Variants in TMEM14A observed in about 807,000 individuals in gnomAD.
The protein encoded by TMEM14A is transmembrane protein 14A.
A neutral mutation model predicts 11.6 loss-of-function variants in TMEM14A; 8 were observed. That is an observed-to-expected ratio of 0.69 (90% CI 0.40 to 1.24). TMEM14A has a LOEUF of 1.24. Ranked by LOEUF, TMEM14A falls within the 50% of genes most tolerant of loss-of-function variation. The pLI, the probability that TMEM14A is intolerant of heterozygous loss-of-function variation, is 0.01. For missense variants in TMEM14A, 108 were observed against 121.9 expected (o/e 0.89, Z 0.54); for synonymous variants, 34 against 45.5 (o/e 0.75, Z 1.02).
intron 1 of TMEM14A, among the ~76,000 whole-genome samples, chr6:52,673,076 A>G (rs573554882): frequency 6.6e-6 from 1 of 152,148 alleles, no homozygotes; most frequent in African/African-American, 2.4e-5. Context: ...GGCCTTGCAC[A>G]TGCGCTCCCT....
At chr6:52,682,725 G>A (rs1327209440) in intron 3 of TMEM14A, among the ~76,000 whole-genome samples, 1 of 151,826 alleles carries the variant, frequency 6.6e-6, no homozygotes, top group Non-Finnish European at 1.5e-5. Context: ...TAGTTCACAA[G>A]TATTTATTGT....
intron 1 of TMEM14A, among the ~76,000 whole-genome samples, chr6:52,673,876 G>A (rs1401523962): frequency 2.0e-5 from 3 of 152,178 alleles, no homozygotes; most frequent in African/African-American, 7.2e-5. Context: ...CCCTACCTCA[G>A]TTTTCTCAGT....
chr6:52,680,589 A>ATG (rs1382495543), intron 2 of TMEM14A, among the ~76,000 whole-genome samples: 1 of 89,760 alleles, frequency 1.1e-5, no homozygotes, highest in South Asian at 4.9e-4. Context: ...ATATATTTAT[A>ATG]TATTTATATA....
intron 4 of TMEM14A, 91 bp from the exon 5 acceptor site, chr6:52,685,919 A>G: frequency 8.2e-7 from 1 of 1,225,172 alleles, no homozygotes; most frequent in East Asian, 2.5e-5. Flanking sequence ...AAGGATTAGT[A>G]ACACTACTGG....
rs371102796 is a variant in TMEM14A at position 52,680,704 on chromosome 6, T to TATATATATATATATATATATATATACAC, written c.71-1108_71-1107insTATATATATATATATATATATATACACA. ...ATATACATATATGTATATATATATA[T>TATATATATATATATATATATATATACAC]ACACATATATATATGGCATGGATGA... is the stretch of plus-strand genomic sequence containing the variant. On this transcript the variant is annotated intron_variant, in intron 2 of 4. Coordinates refer to ENST00000211314, the MANE Select transcript of TMEM14A (RefSeq NM_014051.4). 8.1e-3 allele frequency among the ~76,000 whole-genome samples: 412 copies of TATATATATATATATATATATATATACAC among 51,078 alleles called. 41 individuals carry two copies. Among genetic ancestry groups the TATATATATATATATATATATATATACAC allele is most frequent in the South Asian group, 0.029 (35 of 1,220 alleles). 33.5% of individuals were successfully genotyped at this position (51,078 alleles called of 152,430 possible). A position where few individuals can be genotyped will look rare whatever the true frequency, so the allele number is the denominator to read the frequency against.
chr6:52,683,593 TG>T (rs1769435588), intron 3 of TMEM14A, among the ~76,000 whole-genome samples: 3 of 152,152 alleles, frequency 2.0e-5, no homozygotes, highest in Non-Finnish European at 4.4e-5. Context: ...TAGATGATGA[TG>T]AAGTGTTTCT....
chr6:52,673,535 T>C (rs566345080), intron 1 of TMEM14A, among the ~76,000 whole-genome samples: 1 of 152,258 alleles, frequency 6.6e-6, no homozygotes, highest in Non-Finnish European at 1.5e-5. Context: ...GCCTTCCTTA[T>C]TGAGGTTAAT....
intron 1 of TMEM14A, among the ~76,000 whole-genome samples, chr6:52,671,512 G>A (rs1769161477): frequency 6.6e-6 from 1 of 151,990 alleles, no homozygotes; most frequent in South Asian, 2.1e-4. Flanking sequence ...ATCTGGGGTG[G>A]TGGGGTGGGC....
chr6:52,680,858 G>GGT (rs70977374), intron 2 of TMEM14A, among the ~76,000 whole-genome samples: 40,143 of 145,068 alleles, frequency 0.28, 6,666 homozygotes, highest in East Asian at 0.42. Context: ...ATGCTGCTCT[G>GGT]GTGTGTGTGT....
rs146892147 is a variant in TMEM14A at position 52,677,166 on chromosome 6, C to T, written c.64C>T (p.Arg22Trp). 141 of 1,614,022 alleles carry T rather than the reference C, an allele frequency of 8.7e-5. 1 individual carries two copies. In the African/African-American group the frequency reaches 9.9e-4, roughly 11 times the overall value. ...ATTTGGAAGCATTTTTGGATATAAG[C>T]GGAGAGGTAAGCCTAACCCAAATTT... ...VTFGSIFGYK[R>W]RGGVPSLIAG... The change falls in exon 2 of 5, where the codon CGG (arginine) becomes TGG (tryptophan). Residue 22 changes from arginine to tryptophan, a missense_variant. Physicochemically the swap from Arg to Trp is moderately radical, Grantham distance 101 (BLOSUM62 -3). Coordinates refer to ENST00000211314, the MANE Select transcript of TMEM14A (RefSeq NM_014051.4).
At chr6:52,672,453 G>GTA (rs1769179507) in intron 1 of TMEM14A, among the ~76,000 whole-genome samples, 2 of 149,722 alleles carry the variant, frequency 1.3e-5, no homozygotes, top group South Asian at 4.2e-4. Context: ...CTTCAGATCT[G>GTA]TATGTAAGGG....
Position 52,684,033 on chromosome 6 carries a change from A to G in TMEM14A, c.173-45A>G, listed in dbSNP as rs754884313. ...ACCCGCTGTTTTCCCACAAGCATTG[A>G]TAACATGTTTGAAACTCTGGTTCAT... On this transcript the variant is annotated intron_variant, in intron 3 of 4. Coordinates refer to ENST00000211314, the MANE Select transcript of TMEM14A (RefSeq NM_014051.4). The G allele has an allele frequency of 1.3e-5, 21 of 1,571,194 alleles. No homozygotes were observed. In the South Asian group the frequency reaches 2.3e-4, roughly 17 times the overall value.
At chr6:52,682,350 G>T (rs931109236) in intron 3 of TMEM14A, among the ~76,000 whole-genome samples, 3 of 152,156 alleles carry the variant, frequency 2.0e-5, no homozygotes, top group Non-Finnish European at 4.4e-5. Context: ...CGCTTTTTTA[G>T]CTACTTCCCT....
chr6:52,675,408 AG>A (rs1769238540), intron 1 of TMEM14A, among the ~76,000 whole-genome samples: 1 of 152,256 alleles, frequency 6.6e-6, no homozygotes, highest in Admixed American at 6.5e-5. Context: ...AAAGCTGTAA[AG>A]AACTCCAGAA....
chr6:52,683,384 C>T (rs140487172), intron 3 of TMEM14A, among the ~76,000 whole-genome samples: 8,880 of 149,492 alleles, frequency 0.059, 351 homozygotes, highest in South Asian at 0.18. Context: ...TGCTTGAACC[C>T]GGGAGGTGGA....
intron 2 of TMEM14A, among the ~76,000 whole-genome samples, chr6:52,680,633 ATATG>A (rs1769354352): frequency 4.0e-5 from 5 of 123,688 alleles, no homozygotes; most frequent in African/African-American, 8.3e-5. Context: ...GTGTATATAT[ATATG>A]TGTGTATATA....
chr6:52,674,717 G>A (rs1413358204), intron 1 of TMEM14A, among the ~76,000 whole-genome samples: 1 of 151,846 alleles, frequency 6.6e-6, no homozygotes, highest in African/African-American at 2.4e-5. Context: ...ACCACTTCTC[G>A]GCCACAGATG....
chr6:52,683,616 TTTG>T (rs2127265811), intron 3 of TMEM14A, among the ~76,000 whole-genome samples: 1 of 152,212 alleles, frequency 6.6e-6, no homozygotes, highest in African/African-American at 2.4e-5. Flanking sequence ...TGTTTGTTCT[TTTG>T]TTGTTTTTTT....
At chr6:52,680,687 A>ATGTG (rs1170003381) in intron 2 of TMEM14A, among the ~76,000 whole-genome samples, 1 of 59,618 alleles carries the variant, frequency 1.7e-5, no homozygotes, top group Non-Finnish European at 4.0e-5. Flanking sequence ...ATATATACAT[A>ATGTG]TATGTATATA....
Sources: gnomAD v4.1 joint callset for allele counts (sites outside exome capture counted in the v4.1 genomes callset) on GRCh38, gnomAD v4.1.1 for gene constraint, MANE v1.5 for transcripts, NCBI Gene and HGNC (gene_info 2026-07-23, HGNC 2026-07-21) for gene names.